Variants in PDE4DIP observed in about 807,000 individuals in gnomAD.
PDE4DIP encodes the protein phosphodiesterase 4D interacting protein.
PDE4DIP carries 59 observed loss-of-function variants against 221.4 expected under a neutral mutation model. That is an observed-to-expected ratio of 0.27 (90% CI 0.22 to 0.33). The LOEUF (loss-of-function observed/expected upper bound fraction) is 0.33, where lower values mean the gene tolerates loss of function less well. Ranked by LOEUF, PDE4DIP falls within the 10% of genes least tolerant of loss-of-function variation. PDE4DIP has a pLI of 1.00. For synonymous variants in PDE4DIP, 404 were observed against 815.9 expected (o/e 0.50, Z 8.60); for missense variants, 1,036 against 2,154.2 (o/e 0.48, Z 10.28).
chr1:148,968,689 T>A, intron 13 of PDE4DIP, 147 bp from the exon 17 acceptor site: 1 of 603,440 alleles, frequency 1.7e-6, no homozygotes, highest in Non-Finnish European at 2.9e-6. Flanking sequence ...CTGTGCTAGA[T>A]CTGGTAAAAC....
intron 21 of PDE4DIP, chr1:148,982,794 T>A (rs1341524315): frequency 1.3e-5 from 2 of 152,086 alleles, no homozygotes; most frequent in Non-Finnish European, 2.9e-5. Context: ...TTTTTTTTCC[T>A]TCCATTTTTT....
intron 5 of PDE4DIP, among the ~76,000 whole-genome samples, chr1:148,958,854 A>G (rs2056106471): frequency 6.6e-6 from 1 of 152,134 alleles, no homozygotes; most frequent in Non-Finnish European, 1.5e-5. Context: ...AAAATTACAT[A>G]CATGGCTCAC....
chr1:148,996,021 C>T (rs186149228), intron 22 of PDE4DIP, among the ~76,000 whole-genome samples: 9 of 151,296 alleles, frequency 5.9e-5, no homozygotes, highest in African/African-American at 2.2e-4. Flanking sequence ...GATCCCTAGG[C>T]AATGTTTGAT....
chr1:148,983,561 A>AT (rs1267965969), intron 21 of PDE4DIP: 1 of 152,520 alleles, frequency 6.6e-6, no homozygotes, highest in Non-Finnish European at 1.5e-5. Context: ...TTGTGTGATA[A>AT]TTTGGCATCT....
chr1:148,879,758 TC>T (rs1692986857), intron 3 of PDE4DIP, among the ~76,000 whole-genome samples: 1 of 144,856 alleles, frequency 6.9e-6, no homozygotes, highest in Non-Finnish European at 1.5e-5. Flanking sequence ...AGCCCATAAG[TC>T]ACTCTCTCTG....
chr1:149,005,949 A>C (rs2066889077), intron 27 of PDE4DIP, among the ~76,000 whole-genome samples: 1 of 152,118 alleles, frequency 6.6e-6, no homozygotes, highest in South Asian at 2.1e-4. Flanking sequence ...CCTACCCAAC[A>C]CGGTGAAACC....
chr1:148,925,533 A>C (rs1444085830), intron 1 of PDE4DIP, among the ~76,000 whole-genome samples: 1 of 143,196 alleles, frequency 7.0e-6, no homozygotes, highest in Non-Finnish European at 1.5e-5. Context: ...CAAAGCATTG[A>C]CTTCATTTTC....
intron 2 of PDE4DIP, 105 bp downstream of exon 5, chr1:148,929,378 C>G (rs2047343726): frequency 1.4e-6 from 2 of 1,435,016 alleles, no homozygotes; most frequent in Non-Finnish European, 1.9e-6. Flanking sequence ...GCATTTGAAT[C>G]CTGTATCTGA....
chr1:149,017,653 T>C, intron 33 of PDE4DIP, 95 bp from the exon 37 acceptor site: 1 of 683,728 alleles, frequency 1.5e-6, no homozygotes, highest in African/African-American at 1.8e-5. Context: ...TATTTACAGG[T>C]CTTGCTGCAG....
intron 21 of PDE4DIP, chr1:148,983,403 A>G (rs2061423138): frequency 6.6e-6 from 1 of 152,160 alleles, no homozygotes; most frequent in Non-Finnish European, 1.5e-5. Flanking sequence ...ACCTCCAGCA[A>G]GAGTAAATTG....
intron 5 of PDE4DIP, chr1:148,952,990 G>A (rs782426851): frequency 1.2e-6 from 2 of 1,613,562 alleles, no homozygotes; most frequent in Non-Finnish European, 8.5e-7. Context: ...TTATTGCCCG[G>A]ATTGAAGCGC....
At chr1:149,022,988 T>A (rs1166264961) in intron 37 of PDE4DIP, among the ~76,000 whole-genome samples, 1 of 152,274 alleles carries the variant, frequency 6.6e-6, no homozygotes, top group African/African-American at 2.4e-5. Context: ...TAGTGAGAAG[T>A]TGGGTTGAGA....
intron 3 of PDE4DIP, among the ~76,000 whole-genome samples, chr1:148,877,087 T>C (rs1293273155): frequency 2.0e-5 from 3 of 146,822 alleles, no homozygotes; most frequent in Admixed American, 6.6e-5. Flanking sequence ...ACCAATACAA[T>C]ATTAGTACTC....
In PDE4DIP at chr1:148,929,401, A is replaced by T; in HGVS notation, c.218+128A>T. 2.2e-6 allele frequency: 3 copies of T among 1,333,466 alleles called. No homozygotes were observed. The South Asian group carries it at 4.3e-5, about 19-fold the overall frequency. The allele number at this position is 1,333,466 out of a possible 1,614,324, so 82.6% of individuals were successfully genotyped here. On this transcript the variant is annotated intron_variant, in intron 2 of 43. Coordinates refer to ENST00000369354, the Ensembl canonical transcript of PDE4DIP. ...ATCCTGTATCTGATTCAGGAACTGA[A>T]ACAATAGATTTTCATATGCTGTGTT...
Position 148,912,311 on chromosome 1 carries a change from T to C in PDE4DIP, c.142-16886T>C, listed in dbSNP as rs587664323. Among the ~76,000 whole-genome samples, 3 of 146,686 alleles carry C rather than the reference T, an allele frequency of 2.0e-5. No individual in the cohort carries two copies. In the South Asian group the frequency reaches 6.5e-4, roughly 32 times the overall value. On this transcript the variant is annotated intron_variant, in intron 1 of 43. Coordinates refer to ENST00000369354, the Ensembl canonical transcript of PDE4DIP. ...GCAGTTTGCATTGCCACTTGCTATG[T>C]CATTTTAGTTTTTCCTTTCATGTTT...
chr1:148,999,247 G>A (rs1465316842), intron 23 of PDE4DIP: 2 of 150,486 alleles, frequency 1.3e-5, no homozygotes, highest in Non-Finnish European at 3.0e-5. Context: ...TGATACTGTA[G>A]GGCTGATCCA....
At chr1:148,978,972 C>T (rs782086044) in intron 19 of PDE4DIP, among the ~76,000 whole-genome samples, 2 of 151,468 alleles carry the variant, frequency 1.3e-5, no homozygotes, top group Non-Finnish European at 2.9e-5. Flanking sequence ...ATACCTAAGT[C>T]ACCTCCCTCA....
intron 22 of PDE4DIP, chr1:148,992,899 G>A: frequency 9.4e-7 from 1 of 1,060,476 alleles, no homozygotes; most frequent in Non-Finnish European, 1.1e-6. Context: ...AGACAAAGAA[G>A]AGACATCGAA....
intron 21 of PDE4DIP, 79 bp downstream of exon 24, chr1:148,981,476 GA>G (rs782404914): frequency 1.3e-5 from 20 of 1,579,210 alleles, no homozygotes; most frequent in Admixed American, 1.7e-5. Context: ...GCCCAGGATG[GA>G]AAACCTTGTT....
Sources: allele counts gnomAD v4.1 joint callset (sites outside exome capture counted in the v4.1 genomes callset), GRCh38; gene constraint gnomAD v4.1.1; transcripts MANE v1.5; gene names NCBI Gene and HGNC (gene_info 2026-07-23, HGNC 2026-07-21).